Variants in KANSL1 observed in about 807,000 individuals in gnomAD.
KANSL1 encodes MLL1/MLL complex subunit KANSL1.
In KANSL1, 22 loss-of-function variants were observed where a neutral mutation model predicts 103.6. The ratio of observed to expected loss-of-function variants is 0.21; its 90% CI spans 0.15 to 0.30. KANSL1 has a LOEUF of 0.30. Among genes scored for constraint, KANSL1 ranks in the 10% least tolerant of loss-of-function variants. KANSL1 has a pLI of 1.00. For synonymous variants in KANSL1, 600 were observed against 527.6 expected (o/e 1.14, Z -1.88); for missense variants, 1,337 against 1,399.8 (o/e 0.96, Z 0.72).
At chr17:46,191,265 G>A (rs1192734771) in intron 1 of KANSL1, among the ~76,000 whole-genome samples, 1 of 152,188 alleles carries the variant, frequency 6.6e-6, no homozygotes, top group Admixed American at 6.5e-5. Flanking sequence ...AATACACTTA[G>A]CATTAGGCAC....
chr17:46,183,666 T>G lies in KANSL1; in HGVS notation c.-90+9157A>C, dbSNP rs1369728520. Among the ~76,000 whole-genome samples the G allele has an allele frequency of 4.6e-5, 6 of 129,424 alleles. No individual in the cohort carries two copies. In the East Asian group the frequency reaches 8.4e-4, roughly 18 times the overall value. 84.9% of individuals were successfully genotyped at this position (129,424 alleles called of 152,430 possible). On this transcript the variant is annotated intron_variant, in intron 1 of 14. Coordinates refer to ENST00000432791, the MANE Select transcript of KANSL1 (RefSeq NM_015443.4). ...GGAGGGAGGGAAGGAAGGGAAGGAG[T>G]AGGGCCGGGAGAGGTGGCTCACGCC...
chr17:46,067,444 T>G lies in KANSL1; in HGVS notation c.1652+105A>C, dbSNP rs759974014. ...TAAAAATGTTACTAAGTGATAAGGC[T>G]TCCGCTTCTTTAAACCAGGGTCAGT... On this transcript the variant is annotated intron_variant, in intron 5 of 14. Coordinates refer to ENST00000432791, the MANE Select transcript of KANSL1 (RefSeq NM_015443.4). 8.2e-4 allele frequency: 610 copies of G among 742,846 alleles called. 1 individual carries two copies. Among genetic ancestry groups the G allele is most frequent in the Non-Finnish European group, 1.3e-3 (543 of 415,262 alleles). The allele number at this position is 742,846 out of a possible 1,614,324, so 46.0% of individuals were successfully genotyped here.
chr17:46,066,472 G>A (rs1339143779), intron 6 of KANSL1, 65 bp downstream of exon 6: 4 of 1,396,072 alleles, frequency 2.9e-6, no homozygotes, highest in Admixed American at 4.6e-5. Context: ...AAGTTGGCAA[G>A]AGACTAACTC....
At chr17:46,108,139 C>G (rs1339207146) in intron 2 of KANSL1, among the ~76,000 whole-genome samples, 2 of 152,174 alleles carry the variant, frequency 1.3e-5, no homozygotes, top group South Asian at 4.1e-4. Flanking sequence ...TACCCAAAAC[C>G]TAGCCTAGTT....
At chr17:46,066,389 A>C in intron 6 of KANSL1, 148 bp downstream of exon 6, 18 of 516,098 alleles carry the variant, frequency 3.5e-5, no homozygotes, top group Non-Finnish European at 5.2e-5. Flanking sequence ...CAGAGCAAAC[A>C]GGGCCCAGGA....
chr17:46,211,501 C>T (rs1009296434), intron 1 of KANSL1, among the ~76,000 whole-genome samples: 2 of 152,214 alleles, frequency 1.3e-5, no homozygotes, highest in Admixed American at 6.5e-5. Context: ...GGCCATGGGT[C>T]GGACAAGCTT....
rs182254680 is a variant in KANSL1 at position 46,101,015 on chromosome 17, A to G, written c.1290-6314T>C. On this transcript the variant is annotated intron_variant, in intron 2 of 14. Transcript: ENST00000432791. ...TTCACACTGGTAGATAAATTGACAAAGGATTATGTGCTACTTCCAAGTGTG... is the reference window on the plus strand; with the variant it reads ...TTCACACTGGTAGATAAATTGACAAGGGATTATGTGCTACTTCCAAGTGTG... 1.5e-3 allele frequency among the ~76,000 whole-genome samples: 232 copies of G among 152,360 alleles called. 1 individual carries two copies. The highest frequency in any genetic ancestry group is 5.2e-3 in the African/African-American group (218 of 41,578).
chr17:46,188,435 T>C (rs930903499), intron 1 of KANSL1, among the ~76,000 whole-genome samples: 15 of 152,228 alleles, frequency 9.9e-5, no homozygotes, highest in African/African-American at 1.7e-4. Flanking sequence ...TAAACATACA[T>C]CTTCAGAAGC....
chr17:46,064,064 A>AAAAAC, intron 6 of KANSL1, among the ~76,000 whole-genome samples: 1 of 128,986 alleles, frequency 7.8e-6, no homozygotes, highest in Admixed American at 8.7e-5. Flanking sequence ...AAAAAAAAAA[A>AAAAAC]AAAAAAACAA....
chr17:46,139,654 T>C (rs62063211), intron 2 of KANSL1, among the ~76,000 whole-genome samples: 17,272 of 150,374 alleles, frequency 0.11, no homozygotes, highest in Non-Finnish European at 0.17. Flanking sequence ...TTATGTCTAG[T>C]ACTCCTGTTG....
At chr17:46,138,315 A>T (rs1416312719) in intron 2 of KANSL1, among the ~76,000 whole-genome samples, 1 of 152,178 alleles carries the variant, frequency 6.6e-6, no homozygotes, top group Non-Finnish European at 1.5e-5. Context: ...AAAAATATTT[A>T]AAAAACAATG....
chr17:46,173,680 A>T (rs1198940035), intron 1 of KANSL1, among the ~76,000 whole-genome samples: 1 of 152,248 alleles, frequency 6.6e-6, no homozygotes, highest in African/African-American at 2.4e-5. Context: ...AACTGCTGGT[A>T]CATTATTAGC....
chr17:46,052,949 G>A (rs1199926704), intron 6 of KANSL1, among the ~76,000 whole-genome samples: 2 of 71,554 alleles, frequency 2.8e-5, no homozygotes, highest in Non-Finnish European at 5.0e-5. Context: ...GGGAAAAAGA[G>A]TAAGATCCTG....
At chr17:46,125,021 AGGGAGGGGAGGT>A (rs2043457361) in intron 2 of KANSL1, among the ~76,000 whole-genome samples, 3 of 69,842 alleles carry the variant, frequency 4.3e-5, no homozygotes, top group Non-Finnish European at 1.0e-4. Context: ...AGGGAAGGGA[AGGGAGGGGAGGT>A]AGGGAGGGAG....
At chr17:46,194,090 C>G (rs2047518208), upstream of KANSL1, among the ~76,000 whole-genome samples, 1 of 152,326 alleles carries the variant, frequency 6.6e-6, no homozygotes, top group Non-Finnish European at 1.5e-5. Flanking sequence ...CTGCGCAGGC[C>G]CCAGCCAGGG....
intron 2 of KANSL1, among the ~76,000 whole-genome samples, chr17:46,148,486 C>T (rs1229075809): frequency 6.6e-6 from 1 of 152,182 alleles, no homozygotes; most frequent in Non-Finnish European, 1.5e-5. Context: ...GATCAGCGCT[C>T]TGAACTAATT....
intron 2 of KANSL1, among the ~76,000 whole-genome samples, chr17:46,098,843 G>C (rs16940890): frequency 3.3e-5 from 5 of 152,146 alleles, no homozygotes; most frequent in Admixed American, 3.3e-4. Context: ...CAACTCAAGC[G>C]TCCAAGAAGT....
intron 2 of KANSL1, among the ~76,000 whole-genome samples, chr17:46,161,128 T>C (rs1407006713): frequency 2.0e-5 from 3 of 152,026 alleles, no homozygotes; most frequent in Non-Finnish European, 2.9e-5. Flanking sequence ...AAAAACGTTG[T>C]TCCCAGCAGG....
intron 1 of KANSL1, among the ~76,000 whole-genome samples, chr17:46,178,303 C>G (rs1261449578): frequency 2.0e-5 from 3 of 152,216 alleles, no homozygotes; most frequent in Non-Finnish European, 2.9e-5. Context: ...GATAAATCAT[C>G]TTTCTCCAAA....
Sources: gnomAD v4.1 joint callset for allele counts (sites outside exome capture counted in the v4.1 genomes callset) on GRCh38, gnomAD v4.1.1 for gene constraint, MANE v1.5 for transcripts, NCBI Gene and HGNC (gene_info 2026-07-23, HGNC 2026-07-21) for gene names.